Variants in BMP6 observed in about 807,000 individuals in gnomAD.
BMP6 encodes the protein bone morphogenetic protein 6, also known as VG-1-R.
Under a neutral mutation model 54.1 loss-of-function variants are expected in BMP6, and 17 were observed. That is an observed-to-expected ratio of 0.31 (90% confidence interval 0.22 to 0.47). BMP6 has a LOEUF of 0.47. BMP6 is among the 20% of genes least tolerant of loss of function. BMP6 has a pLI of 1.00. For synonymous variants in BMP6, 328 were observed against 291.2 expected, an observed-to-expected ratio of 1.13 and a Z score of -1.28; for missense variants, 720 against 690.4, an observed-to-expected ratio of 1.04 and a Z score of -0.48.
At chr6:7,727,651 C>T in intron 1 of BMP6, 32 bp downstream of exon 1, 4 of 1,488,136 alleles carry the variant, frequency 2.7e-6, no homozygotes, top group African/African-American at 1.4e-5. Flanking sequence ...ATGACGAGAA[C>T]ATTTCCCCCT....
chr6:7,845,207 G>A lies in BMP6; in HGVS notation c.732G>A (p.Gln244=), dbSNP rs945656566. The A allele has an allele frequency of 3.1e-6, 5 of 1,614,092 alleles. No individual in the cohort carries two copies. In the African/African-American group the frequency reaches 6.7e-5, roughly 22 times the overall value. ...AAGAGTTCAAGTTCAACTTATCCCA[G>A]ATTCCTGAGGGTGAGGTGGTGACGG... ...HHKEFKFNLS[Q]IPEGEVVTAA... Residue 244 remains glutamine, a synonymous_variant, in exon 2 of 7, where the codon CAG becomes CAA. Transcript: ENST00000283147.
chr6:7,806,144 G>T (rs1458623492), intron 1 of BMP6, among the ~76,000 whole-genome samples: 1 of 152,226 alleles, frequency 6.6e-6, no homozygotes. Flanking sequence ...CCTCCTGGGG[G>T]CCCCGACATG....
intron 1 of BMP6, among the ~76,000 whole-genome samples, chr6:7,729,899 C>T (rs778829783): frequency 2.6e-5 from 4 of 152,134 alleles, no homozygotes; most frequent in Non-Finnish European, 5.9e-5. Context: ...TAAAGAGGAT[C>T]TCCCAACGTT....
At chr6:7,851,729 A>G (rs267199) in intron 2 of BMP6, among the ~76,000 whole-genome samples, 60,384 of 151,904 alleles carry the variant, frequency 0.4, 12,755 homozygotes, top group East Asian at 0.78. Context: ...TCAGTAGATA[A>G]AGGAAATTCT....
chr6:7,804,296 T>TA (rs368126627), intron 1 of BMP6, among the ~76,000 whole-genome samples: 1 of 151,860 alleles, frequency 6.6e-6, no homozygotes, highest in East Asian at 1.9e-4. Context: ...TTTTTTTTTT[T>TA]AAACTCTCAC....
intron 1 of BMP6, among the ~76,000 whole-genome samples, chr6:7,767,205 A>G (rs1561765401): frequency 6.6e-6 from 1 of 151,836 alleles, no homozygotes; most frequent in African/African-American, 2.4e-5. Context: ...CGATCTCCTG[A>G]CCTCGTGATC....
chr6:7,755,126 C>A (rs1349788929), intron 1 of BMP6, among the ~76,000 whole-genome samples: 1 of 152,212 alleles, frequency 6.6e-6, no homozygotes, highest in African/African-American at 2.4e-5. Flanking sequence ...TTTCTTGAAG[C>A]AACCTAACAA....
At chr6:7,743,638 C>T (rs1757302633) in intron 1 of BMP6, among the ~76,000 whole-genome samples, 1 of 152,198 alleles carries the variant, frequency 6.6e-6, no homozygotes, top group Non-Finnish European at 1.5e-5. Flanking sequence ...TGAGACCTGG[C>T]TCATAGGAAG....
chr6:7,827,216 C>A (rs775934248), intron 1 of BMP6, among the ~76,000 whole-genome samples: 8 of 152,252 alleles, frequency 5.3e-5, no homozygotes, highest in Non-Finnish European at 1.2e-4. Context: ...TGTGCCCTCC[C>A]TGACCCCGTC....
At chr6:7,822,271 T>C (rs573232615) in intron 1 of BMP6, among the ~76,000 whole-genome samples, 2 of 152,330 alleles carry the variant, frequency 1.3e-5, no homozygotes, top group African/African-American at 4.8e-5. Context: ...CTGCCCGCCT[T>C]GGCCTCCCAA....
At chr6:7,732,884 C>G (rs1015307000) in intron 1 of BMP6, among the ~76,000 whole-genome samples, 3 of 144,958 alleles carry the variant, frequency 2.1e-5, no homozygotes, top group Non-Finnish European at 4.5e-5. Context: ...CAAAAATGAA[C>G]TATTCTAGGG....
intron 1 of BMP6, among the ~76,000 whole-genome samples, chr6:7,828,575 C>G (rs975213083): frequency 2.0e-5 from 3 of 152,252 alleles, no homozygotes; most frequent in African/African-American, 7.2e-5. Flanking sequence ...GCCAGGCCAG[C>G]CAGCTCTTGA....
chr6:7,824,831 A>C (rs1758668074), intron 1 of BMP6, among the ~76,000 whole-genome samples: 1 of 152,240 alleles, frequency 6.6e-6, no homozygotes, highest in African/African-American at 2.4e-5. Context: ...CTTCACTTTC[A>C]GATGGAATGA....
intron 5 of BMP6, among the ~76,000 whole-genome samples, chr6:7,879,689 G>A (rs778069439): frequency 7.2e-5 from 11 of 152,118 alleles, no homozygotes; most frequent in Non-Finnish European, 1.2e-4. Flanking sequence ...CAGGAGCACC[G>A]TGGGCTCCTG....
At chr6:7,874,906 C>T (rs1158727195) in intron 4 of BMP6, among the ~76,000 whole-genome samples, 2 of 148,234 alleles carry the variant, frequency 1.3e-5, no homozygotes, top group Admixed American at 1.4e-4. Flanking sequence ...TCCAGAGAGA[C>T]AGAATCAATA....
intron 1 of BMP6, among the ~76,000 whole-genome samples, chr6:7,777,928 G>C (rs1426273544): frequency 6.6e-6 from 1 of 152,048 alleles, no homozygotes; most frequent in Non-Finnish European, 1.5e-5. Flanking sequence ...TTGGCTTAAG[G>C]AATAGTGATG....
intron 1 of BMP6, among the ~76,000 whole-genome samples, chr6:7,815,526 T>C (rs1459871542): frequency 6.6e-6 from 1 of 152,182 alleles, no homozygotes; most frequent in Non-Finnish European, 1.5e-5. Flanking sequence ...TACTGTTACT[T>C]TTGCTAAGTT....
intron 1 of BMP6, among the ~76,000 whole-genome samples, chr6:7,761,710 C>G (rs1757616322): frequency 6.6e-6 from 1 of 152,254 alleles, no homozygotes; most frequent in South Asian, 2.1e-4. Context: ...AATGGTGGCT[C>G]CTTCAAAAAG....
intron 1 of BMP6, among the ~76,000 whole-genome samples, chr6:7,750,502 A>G (rs1561759380): frequency 6.6e-6 from 1 of 152,348 alleles, no homozygotes; most frequent in East Asian, 1.9e-4. Flanking sequence ...ACATTCTCAC[A>G]GTGACTTTTG....
Sources: gnomAD v4.1 joint callset for allele counts (sites outside exome capture counted in the v4.1 genomes callset) on GRCh38, gnomAD v4.1.1 for gene constraint, MANE v1.5 for transcripts, NCBI Gene and HGNC (gene_info 2026-07-23, HGNC 2026-07-21) for gene names.